ZNRF2: variants seen among roughly 807,000 people sequenced by gnomAD.
ZNRF2 encodes E3 ubiquitin-protein ligase ZNRF2.
In ZNRF2, 16 loss-of-function variants were observed where a neutral mutation model predicts 20.4. The observed-to-expected ratio is 0.79, with a 90% CI of 0.53 to 1.19. The LOEUF (loss-of-function observed/expected upper bound fraction) is 1.19. ZNRF2 is among the 50% of genes most tolerant of loss of function. The probability of loss-of-function intolerance (pLI) is 0.00; values close to 1 mark genes in which losing one functional copy is unlikely to be tolerated. For missense variants in ZNRF2, 363 were observed against 332.4 expected, an observed-to-expected ratio of 1.09 and a Z score of -0.72; for synonymous variants, 178 against 144.9, an observed-to-expected ratio of 1.23 and a Z score of -1.64.
At chr7:30,294,913 AG>A (rs1470969535) in intron 1 of ZNRF2, among the ~76,000 whole-genome samples, 1 of 151,132 alleles carries the variant, frequency 6.6e-6, no homozygotes, top group African/African-American at 2.4e-5. Flanking sequence ...AAAGGATCCT[AG>A]GGTAACTTAG....
chr7:30,362,086 T>C (rs42588), intron 3 of ZNRF2, among the ~76,000 whole-genome samples: 21,042 of 152,158 alleles, frequency 0.14, 2,780 homozygotes, highest in African/African-American at 0.34. Context: ...GCAAATTTGT[T>C]ATTCAGTTTT....
At chr7:30,286,100 G>C (rs536775278) in intron 1 of ZNRF2, among the ~76,000 whole-genome samples, 50 of 152,334 alleles carry the variant, frequency 3.3e-4, no homozygotes, top group African/African-American at 1.2e-3. Flanking sequence ...TTTCCAGTGA[G>C]ATGACTGGAG....
At position 30,285,434 on chromosome 7, in the gene ZNRF2, G is replaced by C; in HGVS notation, c.77G>C (p.Ser26Thr). The part of the protein sequence containing the change: ...RAYSGSDLPS[S>T]SSGGANGTAG... ...TACTCGGGCTCGGATCTACCTTCCA[G>C]TAGCAGCGGAGGCGCCAATGGGACC... Residue 26 changes from serine to threonine, a missense_variant, in exon 1 of 5, where the codon AGT (serine) becomes ACT (threonine). By Grantham distance (58) the Ser-to-Thr change is moderately conservative. Coordinates refer to ENST00000323037, the MANE Select transcript of ZNRF2 (RefSeq NM_147128.4). 8.3e-7 allele frequency: 1 copy of C among 1,203,954 alleles called. No individual in the cohort carries two copies. Among genetic ancestry groups the C allele is most frequent in the Non-Finnish European group, 1.0e-6 (1 of 959,560 alleles). 74.6% of individuals were successfully genotyped at this position (1,203,954 alleles called of 1,614,324 possible).
intron 1 of ZNRF2, among the ~76,000 whole-genome samples, chr7:30,318,485 C>T (rs1418737838): frequency 6.6e-6 from 1 of 152,122 alleles, no homozygotes; most frequent in African/African-American, 2.4e-5. Context: ...TCTGTCATGC[C>T]TAACAGATCT....
chr7:30,358,001 T>G lies in ZNRF2; in HGVS notation c.671+2168T>G, dbSNP rs193301594. Among the ~76,000 whole-genome samples, 451 of 152,208 alleles carry G rather than the reference T, an allele frequency of 3.0e-3. 2 individuals carry two copies. The highest frequency in any genetic ancestry group is 5.2e-3 in the Non-Finnish European group (356 of 67,996). The stretch of plus-strand genomic sequence containing the variant: ...AACAATATATATCTAAAATAATGCC[T>G]CATGACCAAGTTGCATTTATGCTAG... On this transcript the variant is annotated intron_variant, in intron 3 of 4. Transcript: ENST00000323037.
chr7:30,327,030 T>G (rs1799563915), intron 2 of ZNRF2, among the ~76,000 whole-genome samples: 1 of 152,218 alleles, frequency 6.6e-6, no homozygotes, highest in Non-Finnish European at 1.5e-5. Context: ...TGCTGGATAT[T>G]AAACCTTTGT....
chr7:30,313,900 G>T (rs1388544903), intron 1 of ZNRF2, among the ~76,000 whole-genome samples: 1 of 152,154 alleles, frequency 6.6e-6, no homozygotes, highest in African/African-American at 2.4e-5. Flanking sequence ...ATTTGTATTA[G>T]GTAAACCACT....
At chr7:30,334,170 A>G (rs965327575) in intron 2 of ZNRF2, among the ~76,000 whole-genome samples, 2 of 151,992 alleles carry the variant, frequency 1.3e-5, no homozygotes, top group Admixed American at 1.3e-4. Context: ...GAATTTTGTT[A>G]TATAATAAAA....
At chr7:30,354,300 G>T (rs1054281630) in intron 2 of ZNRF2, among the ~76,000 whole-genome samples, 5 of 152,092 alleles carry the variant, frequency 3.3e-5, no homozygotes, top group Admixed American at 1.3e-4. Context: ...CCAGTAGTTA[G>T]CTCAAATCAC....
At chr7:30,325,057 C>T (rs554667492) in intron 2 of ZNRF2, among the ~76,000 whole-genome samples, 1 of 152,118 alleles carries the variant, frequency 6.6e-6, no homozygotes, top group Non-Finnish European at 1.5e-5. Flanking sequence ...TCTTTCCTGA[C>T]CAAAATCTCT....
intron 3 of ZNRF2, among the ~76,000 whole-genome samples, chr7:30,358,045 AAGAC>A (rs1181671270): frequency 1.3e-5 from 2 of 152,220 alleles, no homozygotes; most frequent in Non-Finnish European, 2.9e-5. Context: ...AAGAAACTGT[AAGAC>A]AGAAAATGTA....
chr7:30,332,545 TC>T (rs1164171345), intron 2 of ZNRF2, among the ~76,000 whole-genome samples: 4 of 152,168 alleles, frequency 2.6e-5, no homozygotes, highest in Non-Finnish European at 5.9e-5. Context: ...CTTTTGGAGT[TC>T]CCTGTGTCTG....
intron 2 of ZNRF2, among the ~76,000 whole-genome samples, chr7:30,333,441 T>G (rs1032887170): frequency 6.7e-6 from 1 of 150,210 alleles, no homozygotes; most frequent in African/African-American, 2.5e-5. Flanking sequence ...GCCATCTCAC[T>G]TCACTGCAAC....
intron 2 of ZNRF2, among the ~76,000 whole-genome samples, chr7:30,341,792 G>A (rs560610606): frequency 3.3e-5 from 5 of 152,050 alleles, no homozygotes; most frequent in East Asian, 1.9e-4. Context: ...TTTCTATCTC[G>A]TTGATCTGTA....
chr7:30,319,426 A>G (rs1799432538), intron 1 of ZNRF2, among the ~76,000 whole-genome samples: 1 of 152,168 alleles, frequency 6.6e-6, no homozygotes. Context: ...GTTTACAGGG[A>G]AGAAGTCAGG....
At chr7:30,297,988 T>C (rs1725490389) in intron 1 of ZNRF2, among the ~76,000 whole-genome samples, 1 of 152,078 alleles carries the variant, frequency 6.6e-6, no homozygotes, top group South Asian at 2.1e-4. Context: ...CCTCAGCCTC[T>C]TGAGTAGTTG....
intron 1 of ZNRF2, among the ~76,000 whole-genome samples, chr7:30,321,139 C>A (rs1028966496): frequency 6.6e-6 from 1 of 151,990 alleles, no homozygotes; most frequent in African/African-American, 2.4e-5. Flanking sequence ...TGTTGTTTTC[C>A]CCACAGTAAA....
At chr7:30,311,985 C>T (rs1799299172) in intron 1 of ZNRF2, among the ~76,000 whole-genome samples, 1 of 151,952 alleles carries the variant, frequency 6.6e-6, no homozygotes. Flanking sequence ...TACTTTTAGC[C>T]AAGTATATTT....
At chr7:30,348,635 C>A (rs1395543172) in intron 2 of ZNRF2, among the ~76,000 whole-genome samples, 1 of 152,162 alleles carries the variant, frequency 6.6e-6, no homozygotes, top group Admixed American at 6.6e-5. Flanking sequence ...CTTTATTTTC[C>A]CATGGCATTC....
Sources: allele counts gnomAD v4.1 joint callset (sites outside exome capture counted in the v4.1 genomes callset), GRCh38; gene constraint gnomAD v4.1.1; transcripts MANE v1.5; gene names NCBI Gene and HGNC (gene_info 2026-07-23, HGNC 2026-07-21).